Variants in TBL1X observed in about 807,000 individuals in gnomAD.
The protein encoded by TBL1X is transducin beta like 1 X-linked.
TBL1X carries 10 observed loss-of-function variants against 50.7 expected under a neutral mutation model. That is an observed-to-expected ratio of 0.20 (90% CI 0.12 to 0.33). The LOEUF is 0.33. Ranked by LOEUF, TBL1X falls within the 10% of genes least tolerant of loss-of-function variation. The pLI, the probability that TBL1X is intolerant of heterozygous loss-of-function variation, is 1.00. For missense variants in TBL1X, 340 were observed against 504.4 expected, an observed-to-expected ratio of 0.67 and a Z score of 3.12; for synonymous variants, 190 against 214.7, an observed-to-expected ratio of 0.88 and a Z score of 1.01.
At chrX:9,579,028 C>G (rs191195640) in intron 2 of TBL1X, among the ~76,000 whole-genome samples, 1 of 111,949 alleles carries the variant, frequency 8.9e-6, no homozygotes, top group East Asian at 2.8e-4. Flanking sequence ...AGTAGGTACT[C>G]TGTTGCTTAT....
intron 3 of TBL1X, among the ~76,000 whole-genome samples, chrX:9,651,678 G>A (rs1485850372): frequency 8.9e-6 from 1 of 112,081 alleles, no homozygotes; most frequent in Non-Finnish European, 1.9e-5. Flanking sequence ...ATTTTCTTCT[G>A]CATGCTGTCT....
chrX:9,490,077 C>T (rs2081932910), intron 1 of TBL1X, among the ~76,000 whole-genome samples: 1 of 111,364 alleles, frequency 9.0e-6, no homozygotes. Flanking sequence ...AGTCTCCTCC[C>T]GCCTCAGCCT....
At chrX:9,646,602 C>T (rs1394238175) in intron 3 of TBL1X, among the ~76,000 whole-genome samples, 1 of 111,537 alleles carries the variant, frequency 9.0e-6, no homozygotes, top group Admixed American at 9.5e-5. Context: ...GACCCTGGCT[C>T]GGTCCAGTCT....
chrX:9,600,085 A>G (rs140405469), intron 2 of TBL1X, among the ~76,000 whole-genome samples: 14 of 111,893 alleles, frequency 1.3e-4, no homozygotes, highest in African/African-American at 4.5e-4. Context: ...TCGCTCACTC[A>G]CTAGGACTTC....
At chrX:9,687,642 C>T (rs2083067963) in intron 6 of TBL1X, among the ~76,000 whole-genome samples, 1 of 109,975 alleles carries the variant, frequency 9.1e-6, no homozygotes, top group South Asian at 4.0e-4. Flanking sequence ...AGTCTCCAGA[C>T]GTTGCCTAAT....
At chrX:9,482,976 C>T (rs1472366482) in intron 1 of TBL1X, among the ~76,000 whole-genome samples, 6 of 111,072 alleles carry the variant, frequency 5.4e-5, no homozygotes, top group Admixed American at 9.6e-5. Context: ...TTTATGCAGC[C>T]GGCAGGAAGA....
chrX:9,521,711 G>T (rs1385386721), intron 2 of TBL1X, among the ~76,000 whole-genome samples: 1 of 111,714 alleles, frequency 9.0e-6, no homozygotes, highest in Non-Finnish European at 1.9e-5. Context: ...GAATTTGGTT[G>T]TGAATGCAGA....
chrX:9,621,622 C>T (rs958383404), intron 2 of TBL1X, among the ~76,000 whole-genome samples: 3 of 112,217 alleles, frequency 2.7e-5, no homozygotes, highest in Non-Finnish European at 5.6e-5. Flanking sequence ...TTTTCTTAGA[C>T]TTGTGAAGTT....
intron 2 of TBL1X, among the ~76,000 whole-genome samples, chrX:9,509,379 A>G: frequency 9.2e-6 from 1 of 108,568 alleles, no homozygotes; most frequent in South Asian, 4.0e-4. Flanking sequence ...AAAAAAAAAA[A>G]AAAAAAGATT....
intron 5 of TBL1X, among the ~76,000 whole-genome samples, chrX:9,657,684 T>A (rs2082872295): frequency 8.9e-6 from 1 of 112,682 alleles, no homozygotes; most frequent in Non-Finnish European, 1.9e-5. Flanking sequence ...ATTGTTGCCC[T>A]TGTTACTTGT....
In TBL1X at chrX:9,718,861, C is replaced by T. The variant is rs935426151; in HGVS notation, c.*2615C>T. On this transcript the variant is annotated 3_prime_UTR_variant, in exon 18 of 18. Transcript: ENST00000645353. The stretch of plus-strand genomic sequence containing the variant: ...AGGCTCCATCCCTGGCTTCCCCAGC[C>T]TGCGGCCGCAAGCAAAACCAAGCGC... 11 of 111,959 alleles carry T rather than the reference C, an allele frequency of 9.8e-5. No homozygotes were observed. Among genetic ancestry groups the T allele is most frequent in the African/African-American group, 3.2e-4 (10 of 30,850 alleles). The allele number at this position is 111,959 out of a possible 1,213,427, so 9.2% of individuals were successfully genotyped here. A position where few individuals can be genotyped will look rare whatever the true frequency, so the allele number is the denominator to read the frequency against.
chrX:9,488,371 TG>T (rs1373630190), intron 1 of TBL1X, among the ~76,000 whole-genome samples: 1 of 111,915 alleles, frequency 8.9e-6, no homozygotes, highest in Non-Finnish European at 1.9e-5. Context: ...TCCTGGAGAC[TG>T]GCCGCATTCC....
intron 3 of TBL1X, among the ~76,000 whole-genome samples, chrX:9,644,275 G>A (rs1451330588): frequency 1.8e-5 from 2 of 112,071 alleles, no homozygotes; most frequent in Non-Finnish European, 3.8e-5. Flanking sequence ...TAAAGACCAC[G>A]GTCATCAGGA....
intron 1 of TBL1X, among the ~76,000 whole-genome samples, chrX:9,499,560 G>A (rs2081989580): frequency 8.9e-6 from 1 of 112,436 alleles, no homozygotes; most frequent in African/African-American, 3.2e-5. Context: ...CACTTAAAAT[G>A]TTCACATCCT....
At chrX:9,700,161 G>A (rs1361198702) in intron 12 of TBL1X, among the ~76,000 whole-genome samples, 3 of 111,937 alleles carry the variant, frequency 2.7e-5, no homozygotes, top group Non-Finnish European at 5.6e-5. Flanking sequence ...ATGGAGTTCC[G>A]TCACGTTTGG....
chrX:9,701,569 T>TAAAAAAAA (rs63287561), intron 12 of TBL1X, among the ~76,000 whole-genome samples: 12 of 47,033 alleles, frequency 2.6e-4, no homozygotes, highest in African/African-American at 8.6e-4. Flanking sequence ...CTTGATGAGC[T>TAAAAAAAA]AAAAAAAAAA....
rs759345700 is a variant in TBL1X, at chrX:9,483,056, C to G, written c.-201+17609C>G. 1.5e-3 allele frequency among the ~76,000 whole-genome samples: 169 copies of G among 111,167 alleles called. 1 individual carries two copies. The highest frequency in any genetic ancestry group is 5.3e-3 in the African/African-American group (162 of 30,524). ...TTGTTATAAATGAGGAAGGTGTGCT[C>G]TTGGCATCTAGCAGGTAGAGGCCAG... On this transcript the variant is annotated intron_variant, in intron 1 of 17. Transcript: ENST00000645353.
intron 1 of TBL1X, among the ~76,000 whole-genome samples, chrX:9,471,087 G>T (rs181968797): frequency 1.4e-4 from 16 of 112,524 alleles, no homozygotes; most frequent in Admixed American, 9.4e-5. Flanking sequence ...TTTTCCCAAT[G>T]GGTTAATCAC....
At chrX:9,662,480 A>T (rs1038284056) in intron 5 of TBL1X, among the ~76,000 whole-genome samples, 1 of 112,474 alleles carries the variant, frequency 8.9e-6, no homozygotes, top group Admixed American at 9.4e-5. Context: ...CAAATACTGT[A>T]GGATTCCACT....
Sources: gnomAD v4.1 joint callset for allele counts (sites outside exome capture counted in the v4.1 genomes callset) on GRCh38, gnomAD v4.1.1 for gene constraint, MANE v1.5 for transcripts, NCBI Gene and HGNC (gene_info 2026-07-23, HGNC 2026-07-21) for gene names.